CMTM8: variants seen among roughly 807,000 people sequenced by gnomAD.
CMTM8 encodes the protein CKLF-like MARVEL transmembrane domain-containing protein 8.
CMTM8 carries 12 observed loss-of-function variants against 18.6 expected under a neutral mutation model. That is an observed-to-expected ratio of 0.65 (90% CI 0.41 to 1.05). The LOEUF (loss-of-function observed/expected upper bound fraction) is 1.05. Ranked by LOEUF, CMTM8 falls within the 50% of genes least tolerant of loss-of-function variation. CMTM8 has a pLI of 0.00. For missense variants in CMTM8, 217 were observed against 227.2 expected, an observed-to-expected ratio of 0.95 and a Z score of 0.29; for synonymous variants, 87 against 90.6, an observed-to-expected ratio of 0.96 and a Z score of 0.23.
chr3:32,329,736 A>G (rs573958922), intron 1 of CMTM8, among the ~76,000 whole-genome samples: 7 of 152,354 alleles, frequency 4.6e-5, no homozygotes, highest in African/African-American at 1.7e-4. Flanking sequence ...GACCACCTCT[A>G]TTCAACATAA....
intron 1 of CMTM8, among the ~76,000 whole-genome samples, chr3:32,319,067 TA>T (rs1158269135): frequency 1.1e-4 from 6 of 53,662 alleles, no homozygotes; most frequent in Admixed American, 9.1e-4. Context: ...CATATATATA[TA>T]TATATATTTT....
In CMTM8 at chr3:32,239,774, AGT is replaced by A. The variant is rs1701921525; in HGVS notation, c.147+656_147+657del. ...CGTGATCTTCCCAGAAGTCCCAGCCAGTCCTTCATAGCTGAGAAAGGACTGGA... is the reference window on the plus strand; with the variant it reads ...CGTGATCTTCCCAGAAGTCCCAGCCACCTTCATAGCTGAGAAAGGACTGGA... On this transcript the variant is annotated intron_variant, in intron 1 of 3. Transcript: ENST00000307526. 2.0e-5 allele frequency among the ~76,000 whole-genome samples: 3 copies of A among 152,172 alleles called. No homozygotes were observed. In the South Asian group the frequency reaches 6.2e-4, roughly 32 times the overall value.
chr3:32,345,335 G>A lies in CMTM8; in HGVS notation c.148-12038G>A, dbSNP rs74921345. The stretch of plus-strand genomic sequence containing the variant: ...CAAGCCACTGCACTCCAGCCTGGAC[G>A]ACAAAATGAGACCAGTCTCAAAAAA... On this transcript the variant is annotated intron_variant, in intron 1 of 3. Transcript: ENST00000307526. Among the ~76,000 whole-genome samples the A allele has an allele frequency of 7.1e-3, 1,083 of 152,058 alleles. 26 individuals carry two copies. In the East Asian group the frequency reaches 0.081, roughly 11 times the overall value.
intron 1 of CMTM8, among the ~76,000 whole-genome samples, chr3:32,343,276 A>G (rs1248058642): frequency 6.6e-6 from 1 of 152,190 alleles, no homozygotes; most frequent in East Asian, 1.9e-4. Context: ...TCAATCCAAC[A>G]CTAACATTCT....
chr3:32,305,419 G>A (rs1433581399), intron 1 of CMTM8, among the ~76,000 whole-genome samples: 1 of 152,092 alleles, frequency 6.6e-6, no homozygotes, highest in Non-Finnish European at 1.5e-5. Context: ...CTGATGGCAA[G>A]GTTGGAAAAA....
chr3:32,269,139 G>A (rs920996960), intron 1 of CMTM8, among the ~76,000 whole-genome samples: 11 of 152,196 alleles, frequency 7.2e-5, no homozygotes, highest in Non-Finnish European at 1.5e-4. Flanking sequence ...AAGCAGTTAT[G>A]TTGGCTGACA....
intron 1 of CMTM8, chr3:32,243,863 T>C (rs142576565): frequency 2.2e-4 from 35 of 158,056 alleles, no homozygotes; most frequent in African/African-American, 7.2e-4. Flanking sequence ...CCTTCTCTCA[T>C]TGATGCCTCT....
At chr3:32,295,482 A>AAAG (rs1702862309) in intron 1 of CMTM8, among the ~76,000 whole-genome samples, 1 of 117,514 alleles carries the variant, frequency 8.5e-6, no homozygotes, top group Non-Finnish European at 1.6e-5. Flanking sequence ...AAAAAAACAA[A>AAAG]ACAAAACAGC....
chr3:32,260,068 C>T (rs112952819), intron 1 of CMTM8: 13 of 1,098,094 alleles, frequency 1.2e-5, no homozygotes, highest in East Asian at 7.1e-5. Context: ...AGGCTGAGAT[C>T]GCCAGCTACC....
intron 1 of CMTM8, among the ~76,000 whole-genome samples, chr3:32,273,462 A>C (rs1182842450): frequency 6.6e-6 from 1 of 152,244 alleles, no homozygotes; most frequent in Non-Finnish European, 1.5e-5. Context: ...TGATGAATGA[A>C]TGGATAAACA....
chr3:32,238,459 GA>G (rs1314596780), upstream of CMTM8: 1 of 152,440 alleles, frequency 6.6e-6, no homozygotes, highest in Non-Finnish European at 1.5e-5. Context: ...TAAAGGCCGG[GA>G]GGGGGAGCGG....
chr3:32,240,695 G>A (rs1364522537), intron 1 of CMTM8, among the ~76,000 whole-genome samples: 2 of 152,148 alleles, frequency 1.3e-5, no homozygotes, highest in African/African-American at 2.4e-5. Context: ...TTCATTAAGC[G>A]TTTTGAAAAA....
chr3:32,342,978 T>C (rs1696529092), intron 1 of CMTM8, among the ~76,000 whole-genome samples: 1 of 152,224 alleles, frequency 6.6e-6, no homozygotes, highest in Non-Finnish European at 1.5e-5. Context: ...TCAGGTAGAC[T>C]GACTCCACAG....
At chr3:32,302,532 C>T (rs1019610906) in intron 1 of CMTM8, among the ~76,000 whole-genome samples, 8 of 152,060 alleles carry the variant, frequency 5.3e-5, no homozygotes, top group African/African-American at 1.9e-4. Context: ...TCCCAAAAGG[C>T]GATTGGCCCC....
At chr3:32,248,971 T>C (rs1329374948) in intron 1 of CMTM8, among the ~76,000 whole-genome samples, 1 of 151,280 alleles carries the variant, frequency 6.6e-6, no homozygotes, top group African/African-American at 2.4e-5. Context: ...TATGTGTACA[T>C]GTGTTTTCAG....
intron 1 of CMTM8, among the ~76,000 whole-genome samples, chr3:32,262,001 AG>A (rs1302156536): frequency 6.6e-6 from 1 of 152,158 alleles, no homozygotes; most frequent in Admixed American, 6.6e-5. Flanking sequence ...GTAGGGTTGG[AG>A]GAGCAGGCTC....
At chr3:32,268,782 G>A (rs1450334704) in intron 1 of CMTM8, among the ~76,000 whole-genome samples, 1 of 152,184 alleles carries the variant, frequency 6.6e-6, no homozygotes, top group Non-Finnish European at 1.5e-5. Context: ...AAGCTATGGG[G>A]TGGTCAGTTT....
At chr3:32,315,176 C>G (rs539648540) in intron 1 of CMTM8, among the ~76,000 whole-genome samples, 99 of 150,686 alleles carry the variant, frequency 6.6e-4, no homozygotes, top group African/African-American at 2.3e-3. Context: ...GTCACTCAGG[C>G]TGGAGTGCAG....
At position 32,357,530 on chromosome 3, in the gene CMTM8, T is replaced by C; in HGVS notation, c.305T>C (p.Val102Ala). 1 of 1,614,144 alleles carries C rather than the reference T, an allele frequency of 6.2e-7. No individual in the cohort carries two copies. Among genetic ancestry groups the C allele is most frequent in the African/African-American group, 1.3e-5 (1 of 75,054 alleles). Reference sequence around the variant, plus strand: ...ATGACCTACACCAGGATTCCCCAGGTGCCCTGGACAACAGTGGTAAGGAAG... The same window carrying C: ...ATGACCTACACCAGGATTCCCCAGGCGCCCTGGACAACAGTGGTAAGGAAG... Reference protein sequence around the residue: ...ITMTYTRIPQVPWTTVGLCFN... With the variant: ...ITMTYTRIPQAPWTTVGLCFN... The change falls in exon 2 of 4, where the codon GTG becomes GCG. Residue 102 changes from valine (V) to alanine (A), a missense_variant. Transcript: ENST00000307526.
Sources: gnomAD v4.1 joint callset for allele counts (sites outside exome capture counted in the v4.1 genomes callset) on GRCh38, gnomAD v4.1.1 for gene constraint, MANE v1.5 for transcripts, NCBI Gene and HGNC (gene_info 2026-07-23, HGNC 2026-07-21) for gene names.